Variants in NFATC1 observed in about 807,000 individuals in gnomAD.
NFATC1 encodes nuclear factor of activated T cells 1.
Under a neutral mutation model 76.0 loss-of-function variants are expected in NFATC1, and 22 were observed. That is an observed-to-expected ratio of 0.29 (90% CI 0.21 to 0.41). NFATC1 has a LOEUF of 0.41. NFATC1 is among the 10% of genes least tolerant of loss of function. The pLI, the probability that NFATC1 is intolerant of heterozygous loss-of-function variation, is 1.00. For missense variants in NFATC1, 1,357 were observed against 1,337.7 expected (o/e 1.01, Z -0.23); for synonymous variants, 704 against 613.1 (o/e 1.15, Z -2.19).
At chr18:79,478,117 G>GC (rs35589244) in intron 8 of NFATC1, among the ~76,000 whole-genome samples, 24,060 of 87,096 alleles carry the variant, frequency 0.28, 2,623 homozygotes, top group Non-Finnish European at 0.33. Flanking sequence ...TTGCCCCCAG[G>GC]CCCCCCCCCG....
At chr18:79,448,418 G>A (rs750262339) in intron 3 of NFATC1, 5 of 293,306 alleles carry the variant, frequency 1.7e-5, no homozygotes, top group South Asian at 4.2e-5. Flanking sequence ...CATGTCCTGC[G>A]GGGCCTCATC....
chr18:79,502,597 A>G (rs924533369), intron 9 of NFATC1, among the ~76,000 whole-genome samples: 2 of 152,278 alleles, frequency 1.3e-5, no homozygotes, highest in African/African-American at 2.4e-5. Flanking sequence ...GCTTATATCC[A>G]GAATATACAA....
intron 9 of NFATC1, among the ~76,000 whole-genome samples, chr18:79,508,344 G>A (rs186173448): frequency 6.6e-5 from 10 of 152,186 alleles, no homozygotes; most frequent in Admixed American, 5.2e-4. Flanking sequence ...CTGGCAGTTC[G>A]CTCGGCCTGA....
chr18:79,527,796 C>T lies in NFATC1; in HGVS notation c.*219C>T, dbSNP rs11661539. ...GTGTCACCTGGAGGAGAAGTCATCTCATGACAACAGAAGGGAGGTGGCCGG... is the reference window on the plus strand; with the variant it reads ...GTGTCACCTGGAGGAGAAGTCATCTTATGACAACAGAAGGGAGGTGGCCGG... On this transcript the variant is annotated 3_prime_UTR_variant, in exon 10 of 10. Coordinates refer to ENST00000427363, the MANE Select transcript of NFATC1 (RefSeq NM_001278669.2). 30,465 of 585,128 alleles carry T rather than the reference C, an allele frequency of 0.052. 1,078 individuals are homozygous for T. Among genetic ancestry groups the T allele is most frequent in the Admixed American group, 0.1 (3,497 of 33,748 alleles). The allele number at this position is 585,128 out of a possible 1,614,324, so 36.2% of individuals were successfully genotyped here. A position where few individuals can be genotyped will look rare whatever the true frequency, so the allele number is the denominator to read the frequency against.
Position 79,486,941 on chromosome 18 carries a change from A to G in NFATC1, c.2782+4A>G. Reference sequence around the variant, plus strand: ...GACCAGTTGTACCTGGATGACGGTGAGTGCCCGCAGCCATGCAGGTGTGTG... The same window carrying G: ...GACCAGTTGTACCTGGATGACGGTGGGTGCCCGCAGCCATGCAGGTGTGTG... On this transcript the variant is annotated splice_donor_region_variant and intron_variant, in intron 9 of 9. Coordinates refer to ENST00000427363, the MANE Select transcript of NFATC1 (RefSeq NM_001278669.2). 6.3e-7 allele frequency: 1 copy of G among 1,585,830 alleles called. No homozygotes were observed. The highest frequency in any genetic ancestry group is 8.6e-7 in the Non-Finnish European group (1 of 1,163,048).
chr18:79,425,398 C>G, intron 2 of NFATC1, among the ~76,000 whole-genome samples: 1 of 152,248 alleles, frequency 6.6e-6, no homozygotes, highest in Non-Finnish European at 1.5e-5. Context: ...CCCTGAAACC[C>G]TCGCCCTCCT....
chr18:79,449,837 G>A (rs1055289348), intron 4 of NFATC1, among the ~76,000 whole-genome samples: 14 of 152,216 alleles, frequency 9.2e-5, no homozygotes, highest in African/African-American at 2.4e-4. Context: ...GAGGGAGAGC[G>A]TGTAGGAGAT....
At chr18:79,500,489 AAGG>A (rs1205072407) in intron 9 of NFATC1, among the ~76,000 whole-genome samples, 2 of 152,154 alleles carry the variant, frequency 1.3e-5, no homozygotes, top group African/African-American at 4.8e-5. Flanking sequence ...AATGTTGAAA[AAGG>A]AGAGAAAAAA....
At chr18:79,436,936 T>C (rs2086800801) in intron 3 of NFATC1, among the ~76,000 whole-genome samples, 1 of 152,126 alleles carries the variant, frequency 6.6e-6, no homozygotes, top group South Asian at 2.1e-4. Flanking sequence ...CCCCTATTCT[T>C]CTGGCCACAT....
chr18:79,492,384 A>G (rs990135118), intron 9 of NFATC1, among the ~76,000 whole-genome samples: 1 of 152,258 alleles, frequency 6.6e-6, no homozygotes, highest in East Asian at 1.9e-4. Context: ...TCAACATGGT[A>G]GAACCCCATC....
At chr18:79,408,612 A>G (rs372740119) in intron 1 of NFATC1, among the ~76,000 whole-genome samples, 26 of 152,368 alleles carry the variant, frequency 1.7e-4, no homozygotes, top group African/African-American at 6.3e-4. Flanking sequence ...TTTTCATCCA[A>G]TCCTTGAGGA....
intron 9 of NFATC1, among the ~76,000 whole-genome samples, chr18:79,523,606 T>C (rs1335087335): frequency 3.3e-5 from 5 of 152,214 alleles, no homozygotes. Flanking sequence ...TACTTGGTAG[T>C]TTTTATATTT....
intron 9 of NFATC1, among the ~76,000 whole-genome samples, chr18:79,490,794 T>C (rs1341640610): frequency 6.6e-6 from 1 of 152,130 alleles, no homozygotes; most frequent in Non-Finnish European, 1.5e-5. Flanking sequence ...GGGTTGAGTC[T>C]GGGTCGGCCC....
intron 9 of NFATC1, among the ~76,000 whole-genome samples, chr18:79,509,538 A>C (rs1025399802): frequency 6.6e-6 from 1 of 152,262 alleles, no homozygotes; most frequent in East Asian, 1.9e-4. Flanking sequence ...TGGGCCTCAC[A>C]TGCAATGCTC....
In NFATC1 at chr18:79,515,356, AAAG is replaced by A. The variant is rs1221043035; in HGVS notation, c.2783-12168_2783-12166del. On this transcript the variant is annotated intron_variant, in intron 9 of 9. Transcript: ENST00000427363. ...TCCATCTCAAAAAAAAAAAAAAAAA[AAAG>A]AAGGAAGGCAAGTTTCCCATCCCAC... Among the ~76,000 whole-genome samples, 20 of 150,992 alleles carry A rather than the reference AAAG, an allele frequency of 1.3e-4. 1 individual carries two copies. In the South Asian group the frequency reaches 1.9e-3, roughly 14 times the overall value.
In NFATC1 at chr18:79,524,496, G is replaced by A. The variant is rs2090697548; in HGVS notation, c.2783-3032G>A. 6.6e-6 allele frequency among the ~76,000 whole-genome samples: 1 copy of A among 152,214 alleles called. No individual in the cohort carries two copies. The highest frequency in any genetic ancestry group is 6.5e-5 in the Admixed American group (1 of 15,288). On this transcript the variant is annotated intron_variant, in intron 9 of 9. Coordinates refer to ENST00000427363, the MANE Select transcript of NFATC1 (RefSeq NM_001278669.2). The surrounding 1 kb of genome is among the most constrained non-coding windows in gnomAD (Gnocchi z 7.2). ...CCTGGAGGGTGCCTGGGCTGTGTCT[G>A]GTCCCGGCCACGCGTCCCTGCAGCG...
At position 79,465,531 on chromosome 18, in the gene NFATC1, A is replaced by C. The variant is rs528910977; in HGVS notation, c.1960-1919A>C. ...ATGTGGTCCCCGCCTCCACCCATCC[A>C]GCCTGTCCCACAGGGTCCCCGCCTC... On this transcript the variant is annotated intron_variant, in intron 7 of 9. Transcript: ENST00000427363. The surrounding 1 kb of genome is among the most constrained non-coding windows in gnomAD (Gnocchi z 4.2). 2.7e-5 allele frequency among the ~76,000 whole-genome samples: 4 copies of C among 150,068 alleles called. No homozygotes were observed. The East Asian group carries it at 7.9e-4, about 30-fold the overall frequency.
chr18:79,431,722 A>C (rs2086595212), intron 2 of NFATC1, among the ~76,000 whole-genome samples: 1 of 151,348 alleles, frequency 6.6e-6, no homozygotes, highest in Non-Finnish European at 1.5e-5. Flanking sequence ...GTTTTTTTTT[A>C]GATGGAGTCT....
At chr18:79,507,107 C>T (rs1328937814) in intron 9 of NFATC1, among the ~76,000 whole-genome samples, 3 of 152,354 alleles carry the variant, frequency 2.0e-5, no homozygotes, top group Admixed American at 6.5e-5. Flanking sequence ...AGGACGCTGT[C>T]GCCAGGCACT....
Sources: allele counts gnomAD v4.1 joint callset (sites outside exome capture counted in the v4.1 genomes callset), GRCh38; gene constraint gnomAD v4.1.1; non-coding constraint Gnocchi (gnomAD v3.1); transcripts MANE v1.5; gene names NCBI Gene and HGNC (gene_info 2026-07-23, HGNC 2026-07-21).